KCNMA1: variants seen among roughly 807,000 people sequenced by gnomAD.
KCNMA1 encodes Calcium-activated potassium channel subunit alpha-1.
KCNMA1 carries 29 observed loss-of-function variants against 140.0 expected under a neutral mutation model. The ratio of observed to expected loss-of-function variants is 0.21; its 90% CI spans 0.15 to 0.28. The LOEUF is 0.28. KCNMA1 is among the 10% of genes least tolerant of loss of function. The pLI is 1.00. For synonymous variants in KCNMA1, 612 were observed against 611.9 expected (o/e 1.00, Z 0.00); for missense variants, 880 against 1,602.2 (o/e 0.55, Z 7.70).
chr10:76,969,429 A>G (rs1284214617), intron 20 of KCNMA1, among the ~76,000 whole-genome samples: 1 of 152,250 alleles, frequency 6.6e-6, no homozygotes, highest in African/African-American at 2.4e-5. Context: ...TGCTTTGGCA[A>G]GTCCACAGAT....
At chr10:76,892,869 C>T (rs4979873) in intron 25 of KCNMA1, among the ~76,000 whole-genome samples, 14,419 of 152,096 alleles carry the variant, frequency 0.095, 2,183 homozygotes, top group African/African-American at 0.32. Flanking sequence ...TAGTTACTAG[C>T]GGGGCTGGAT....
At chr10:77,330,204 T>C (rs1162324592) in intron 2 of KCNMA1, among the ~76,000 whole-genome samples, 1 of 152,064 alleles carries the variant, frequency 6.6e-6, no homozygotes, top group Non-Finnish European at 1.5e-5. Context: ...TTCAGAAATT[T>C]CTTACAATGG....
At chr10:77,068,628 T>C (rs1379651641) in intron 14 of KCNMA1, among the ~76,000 whole-genome samples, 3 of 151,798 alleles carry the variant, frequency 2.0e-5, no homozygotes, top group Admixed American at 2.0e-4. Flanking sequence ...ACATAACATA[T>C]TTTCTTCATT....
Position 76,917,302 on chromosome 10 carries a change from T to C in KCNMA1, c.2903-2253A>G, listed in dbSNP as rs537542371. ...TATTTTGACATCCATCATCAAATGC[T>C]GACTTGAGAAAATACGGGTTTGTAC... On this transcript the variant is annotated intron_variant, in intron 23 of 27. Coordinates refer to ENST00000286628, the MANE Select transcript of KCNMA1 (RefSeq NM_001161352.2). Among the ~76,000 whole-genome samples the C allele has an allele frequency of 3.9e-5, 6 of 152,294 alleles. No individual in the cohort carries two copies. In the East Asian group the frequency reaches 1.2e-3, roughly 29 times the overall value.
chr10:76,957,338 T>A (rs2068804597), intron 20 of KCNMA1, among the ~76,000 whole-genome samples: 1 of 151,884 alleles, frequency 6.6e-6, no homozygotes, highest in Admixed American at 6.6e-5. Flanking sequence ...TACAGAAGAC[T>A]CAGACCAGGC....
At chr10:77,135,050 G>A (rs917459780) in intron 5 of KCNMA1, among the ~76,000 whole-genome samples, 2 of 105,032 alleles carry the variant, frequency 1.9e-5, no homozygotes, top group Non-Finnish European at 3.9e-5. Flanking sequence ...TCAACGGAGT[G>A]AAGAGACAAC....
chr10:77,046,515 C>A (rs2095064485), intron 14 of KCNMA1, among the ~76,000 whole-genome samples: 1 of 152,176 alleles, frequency 6.6e-6, no homozygotes, highest in Non-Finnish European at 1.5e-5. Flanking sequence ...CATTTGTATC[C>A]ATTCCTCAAC....
chr10:77,610,332 T>C (rs1255840641), intron 1 of KCNMA1, among the ~76,000 whole-genome samples: 2 of 152,178 alleles, frequency 1.3e-5, no homozygotes, highest in Non-Finnish European at 2.9e-5. Flanking sequence ...TCTGTTGCAG[T>C]TTCCCAGGGC....
intron 17 of KCNMA1, among the ~76,000 whole-genome samples, chr10:77,016,790 A>G (rs1415191345): frequency 6.6e-6 from 1 of 152,012 alleles, no homozygotes; most frequent in Non-Finnish European, 1.5e-5. Context: ...GGATGGTTTC[A>G]CTCCTCATTT....
At chr10:77,340,178 G>T (rs2090462659) in intron 2 of KCNMA1, among the ~76,000 whole-genome samples, 1 of 152,186 alleles carries the variant, frequency 6.6e-6, no homozygotes, top group Non-Finnish European at 1.5e-5. Context: ...TCTCACACCA[G>T]TTAGAATGGT....
intron 5 of KCNMA1, among the ~76,000 whole-genome samples, chr10:77,129,813 G>T (rs910116312): frequency 1.3e-5 from 2 of 152,082 alleles, no homozygotes; most frequent in African/African-American, 4.8e-5. Context: ...TATCCACAAT[G>T]ATATTCTAAT....
At chr10:77,398,168 T>C (rs1319247597) in intron 2 of KCNMA1, among the ~76,000 whole-genome samples, 1 of 152,036 alleles carries the variant, frequency 6.6e-6, no homozygotes, top group African/African-American at 2.4e-5. Flanking sequence ...GTGATAAACA[T>C]AGGAGTTCAG....
rs566092287 is a variant in KCNMA1 at position 77,141,627 on chromosome 10, C to T, written c.809-20579G>A. 6.6e-5 allele frequency among the ~76,000 whole-genome samples: 10 copies of T among 152,250 alleles called. No individual in the cohort carries two copies. In the South Asian group the frequency reaches 2.1e-3, roughly 32 times the overall value. ...AATAAATCTCTGTTATTTCAGCCAC[C>T]CAGTTTTTGATATCTTGTTAAGGCA... On this transcript the variant is annotated intron_variant, in intron 5 of 27. Transcript: ENST00000286628.
At chr10:77,570,700 A>C (rs948310941) in intron 1 of KCNMA1, among the ~76,000 whole-genome samples, 41 of 151,556 alleles carry the variant, frequency 2.7e-4, no homozygotes, top group African/African-American at 9.5e-4. Context: ...AACTAACCTG[A>C]ACATTGTGCA....
chr10:77,625,259 T>C (rs796938649), intron 1 of KCNMA1, among the ~76,000 whole-genome samples: 16 of 151,992 alleles, frequency 1.1e-4, no homozygotes, highest in African/African-American at 3.6e-4. Context: ...TGGGCGCCTG[T>C]AGTCCCAGCT....
intron 1 of KCNMA1, 120 bp downstream of exon 1, chr10:77,637,145 G>C: frequency 7.2e-6 from 9 of 1,248,446 alleles, no homozygotes; most frequent in South Asian, 1.5e-5. Flanking sequence ...AGGCGGCGAG[G>C]GGAAGGCAGG....
chr10:77,336,875 G>T (rs2089244575), intron 2 of KCNMA1, among the ~76,000 whole-genome samples: 1 of 152,244 alleles, frequency 6.6e-6, no homozygotes, highest in Admixed American at 6.5e-5. Context: ...AGGAACAAGT[G>T]TGATGGAGGG....
intron 2 of KCNMA1, among the ~76,000 whole-genome samples, chr10:77,310,284 G>T (rs935891125): frequency 6.6e-5 from 10 of 152,088 alleles, no homozygotes; most frequent in Non-Finnish European, 1.2e-4. Context: ...AGCTGCCCCT[G>T]CTGCTGCAGT....
chr10:77,334,764 C>T lies in KCNMA1; in HGVS notation c.540+69098G>A, dbSNP rs1188819590. 2.0e-5 allele frequency among the ~76,000 whole-genome samples: 3 copies of T among 151,846 alleles called. 1 individual carries two copies. The highest frequency in any genetic ancestry group is 2.0e-4 in the Admixed American group (3 of 15,238). ...AAATATAATAATGAGAGCTATATAG[C>T]TAATTTAAATTTGTCTATTACTCAT... On this transcript the variant is annotated intron_variant, in intron 2 of 27. Coordinates refer to ENST00000286628, the MANE Select transcript of KCNMA1 (RefSeq NM_001161352.2).
Sources: gnomAD v4.1 joint callset for allele counts (sites outside exome capture counted in the v4.1 genomes callset) on GRCh38, gnomAD v4.1.1 for gene constraint, MANE v1.5 for transcripts, NCBI Gene and HGNC (gene_info 2026-07-23, HGNC 2026-07-21) for gene names.